PSD3: variants seen among roughly 807,000 people sequenced by gnomAD.
The protein encoded by PSD3 is PH and SEC7 domain-containing protein 3.
Under a neutral mutation model 105.5 loss-of-function variants are expected in PSD3, and 49 were observed. The ratio of observed to expected loss-of-function variants is 0.46; its 90% CI spans 0.37 to 0.59. PSD3 has a LOEUF of 0.59. PSD3 is among the 20% of genes least tolerant of loss of function. The pLI, the probability that PSD3 is intolerant of heterozygous loss-of-function variation, is 0.00. For missense variants in PSD3, 1,561 were observed against 1,263.8 expected (o/e 1.24, Z -3.57); for synonymous variants, 557 against 457.8 (o/e 1.22, Z -2.77).
At chr8:18,552,406 T>G (rs1800821554) in intron 15 of PSD3, among the ~76,000 whole-genome samples, 1 of 152,224 alleles carries the variant, frequency 6.6e-6, no homozygotes, top group South Asian at 2.1e-4. Context: ...CTGTTGTTTT[T>G]AAAGCTGAAG....
intron 9 of PSD3, among the ~76,000 whole-genome samples, chr8:18,722,612 C>G (rs1208321851): frequency 6.6e-6 from 1 of 152,164 alleles, no homozygotes; most frequent in African/African-American, 2.4e-5. Flanking sequence ...ATAAATGTAT[C>G]TAAATATAAT....
intron 9 of PSD3, among the ~76,000 whole-genome samples, chr8:18,672,196 C>G (rs1799823148): frequency 6.6e-6 from 1 of 151,748 alleles, no homozygotes. Context: ...TTAAAGTGAC[C>G]TTGTAAATAT....
chr8:18,534,987 A>G lies in PSD3; in HGVS notation c.*756T>C, dbSNP rs1799778505. On this transcript the variant is annotated 3_prime_UTR_variant, in exon 16 of 16. Coordinates refer to ENST00000327040, the MANE Select transcript of PSD3 (RefSeq NM_015310.4). ...TCCTCAAGGGCCGATTATTGCCCCCATCCTTTAGCAAACAAAATTAACTGG... is the reference window on the plus strand; with the variant it reads ...TCCTCAAGGGCCGATTATTGCCCCCGTCCTTTAGCAAACAAAATTAACTGG... The G allele has an allele frequency of 6.6e-6, 1 of 152,622 alleles. No individual in the cohort carries two copies. The highest frequency in any genetic ancestry group is 2.4e-5 in the African/African-American group (1 of 41,434). 9.5% of individuals were successfully genotyped at this position (152,622 alleles called of 1,614,324 possible).
At chr8:18,810,209 C>G (rs1811578738) in intron 4 of PSD3, among the ~76,000 whole-genome samples, 1 of 152,206 alleles carries the variant, frequency 6.6e-6, no homozygotes, top group Non-Finnish European at 1.5e-5. Flanking sequence ...TCACCTACCA[C>G]TGTCTTGAAT....
At chr8:19,005,559 C>A (rs937132453) in intron 1 of PSD3, among the ~76,000 whole-genome samples, 6 of 151,990 alleles carry the variant, frequency 3.9e-5, no homozygotes, top group Admixed American at 1.3e-4. Context: ...CGACACACTG[C>A]ATGCAGCCTC....
rs145184726 is a variant in PSD3 at position 18,586,727 on chromosome 8, C to T, written c.2482-11442G>A. On this transcript the variant is annotated intron_variant, in intron 12 of 15. Transcript: ENST00000327040. The stretch of plus-strand genomic sequence containing the variant: ...AAGCAGTGGCCCTGTTTCCTTCTGT[C>T]TCAGGCAGTACTACCCCCCTCATTT... 8.7e-4 allele frequency among the ~76,000 whole-genome samples: 132 copies of T among 152,234 alleles called. 1 individual carries two copies. The highest frequency in any genetic ancestry group is 3.0e-3 in the African/African-American group (124 of 41,560).
At chr8:18,561,221 G>A (rs1274260125) in intron 14 of PSD3, among the ~76,000 whole-genome samples, 1 of 152,144 alleles carries the variant, frequency 6.6e-6, no homozygotes, top group Non-Finnish European at 1.5e-5. Flanking sequence ...AGATCTAGAA[G>A]AGATCTAAGT....
chr8:18,991,989 A>C (rs959289697), intron 1 of PSD3, among the ~76,000 whole-genome samples: 5 of 152,196 alleles, frequency 3.3e-5, no homozygotes, highest in Admixed American at 6.5e-5. Context: ...GGCTCAGAAA[A>C]ACTAATACGT....
intron 2 of PSD3, among the ~76,000 whole-genome samples, chr8:18,881,096 T>C (rs971282872): frequency 5.9e-5 from 9 of 152,236 alleles, no homozygotes; most frequent in African/African-American, 1.9e-4. Context: ...GCTTTGTGTA[T>C]CTGGTTAGAT....
intron 9 of PSD3, among the ~76,000 whole-genome samples, chr8:18,725,019 T>A (rs1252841236): frequency 6.6e-6 from 1 of 152,218 alleles, no homozygotes; most frequent in African/African-American, 2.4e-5. Flanking sequence ...AATTCTACCA[T>A]GTTGGGAATC....
At chr8:18,658,891 C>A (rs1192359729) in intron 9 of PSD3, among the ~76,000 whole-genome samples, 1 of 152,174 alleles carries the variant, frequency 6.6e-6, no homozygotes, top group African/African-American at 2.4e-5. Flanking sequence ...CAACCATCTG[C>A]AGTCCTTGTT....
chr8:18,612,383 T>A (rs1805329443), intron 11 of PSD3, among the ~76,000 whole-genome samples: 1 of 152,148 alleles, frequency 6.6e-6, no homozygotes, highest in Non-Finnish European at 1.5e-5. Flanking sequence ...GCATTTTTTT[T>A]TTTCTTTTGA....
At chr8:18,580,277 AG>A (rs1802726042) in intron 12 of PSD3, among the ~76,000 whole-genome samples, 1 of 152,120 alleles carries the variant, frequency 6.6e-6, no homozygotes, top group African/African-American at 2.4e-5. Context: ...CGGGTGCCAC[AG>A]TCTTGGGCAC....
intron 2 of PSD3, among the ~76,000 whole-genome samples, chr8:18,916,940 T>C (rs1820657981): frequency 6.6e-6 from 1 of 151,896 alleles, no homozygotes; most frequent in Non-Finnish European, 1.5e-5. Context: ...TTAAATAATA[T>C]AAAATCTCTT....
At chr8:18,783,657 G>A (rs775304230) in intron 8 of PSD3, among the ~76,000 whole-genome samples, 54 of 152,146 alleles carry the variant, frequency 3.5e-4, no homozygotes, top group African/African-American at 2.4e-4. Context: ...TTGTTGAGAC[G>A]TAGTCTTGCT....
chr8:18,806,945 C>T (rs1811258122), intron 4 of PSD3, among the ~76,000 whole-genome samples: 1 of 152,164 alleles, frequency 6.6e-6, no homozygotes, highest in Admixed American at 6.5e-5. Context: ...GTGATGAAAG[C>T]ATCCTTAAGA....
At chr8:18,687,485 G>GTTT (rs147651057) in intron 9 of PSD3, among the ~76,000 whole-genome samples, 1 of 145,936 alleles carries the variant, frequency 6.9e-6, no homozygotes, top group South Asian at 2.2e-4. Flanking sequence ...AAATTTAGCA[G>GTTT]TTTTTTTTTT....
intron 9 of PSD3, among the ~76,000 whole-genome samples, chr8:18,751,449 G>C: frequency 6.6e-6 from 1 of 152,288 alleles, no homozygotes; most frequent in Non-Finnish European, 1.5e-5. Flanking sequence ...CGGTGACAGG[G>C]AGGGGTGAAC....
chr8:19,066,561 C>T (rs569237323), intron 1 of PSD3, among the ~76,000 whole-genome samples: 4 of 152,300 alleles, frequency 2.6e-5, no homozygotes, highest in African/African-American at 9.6e-5. Context: ...TATCTCCAGA[C>T]TCATCCAACT....
Sources: gnomAD v4.1 joint callset for allele counts (sites outside exome capture counted in the v4.1 genomes callset) on GRCh38, gnomAD v4.1.1 for gene constraint, MANE v1.5 for transcripts, NCBI Gene and HGNC (gene_info 2026-07-23, HGNC 2026-07-21) for gene names.